Variants in YLPM1 observed in about 807,000 individuals in gnomAD.
YLPM1 encodes the protein YLP motif-containing protein 1.
YLPM1 carries 99 observed loss-of-function variants against 230.0 expected under a neutral mutation model. That is an observed-to-expected ratio of 0.43 (90% CI 0.37 to 0.51). The LOEUF (loss-of-function observed/expected upper bound fraction) is 0.51. Ranked by LOEUF, YLPM1 falls within the 20% of genes least tolerant of loss-of-function variation. The pLI is 0.00. For synonymous variants in YLPM1, 984 were observed against 942.5 expected (o/e 1.04, Z -0.81); for missense variants, 2,592 against 2,707.7 (o/e 0.96, Z 0.95).
intron 1 of YLPM1, among the ~76,000 whole-genome samples, chr14:74,777,363 C>T (rs1429928972): frequency 2.0e-5 from 3 of 149,308 alleles, no homozygotes; most frequent in East Asian, 4.1e-4. Flanking sequence ...GTCAGGAGTT[C>T]GAGACCAGCC....
At chr14:74,784,000 A>G (rs922127088) in intron 4 of YLPM1, among the ~76,000 whole-genome samples, 6 of 152,186 alleles carry the variant, frequency 3.9e-5, no homozygotes, top group African/African-American at 1.4e-4. Flanking sequence ...CAAAAGTACT[A>G]TTTAAGCTCT....
At chr14:74,808,105 C>T (rs1347066180) in intron 6 of YLPM1, among the ~76,000 whole-genome samples, 1 of 152,128 alleles carries the variant, frequency 6.6e-6, no homozygotes, top group Non-Finnish European at 1.5e-5. Flanking sequence ...AATTTTAAAA[C>T]GTTTTCATTA....
At chr14:74,786,046 C>G (rs961481470) in intron 4 of YLPM1, among the ~76,000 whole-genome samples, 2 of 151,918 alleles carry the variant, frequency 1.3e-5, no homozygotes, top group African/African-American at 4.8e-5. Context: ...AAGTGTTCAG[C>G]TTAGTGAATT....
intron 8 of YLPM1, 108 bp from the exon 9 acceptor site, chr14:74,810,117 G>C (rs1182820320): frequency 4.1e-6 from 6 of 1,473,832 alleles, no homozygotes; most frequent in East Asian, 2.3e-5. Context: ...AAGATTCTTA[G>C]TTGAATTTAT....
chr14:74,763,593 G>A lies in YLPM1; in HGVS notation c.104G>A (p.Gly35Glu), dbSNP rs2090871824. 1.9e-6 allele frequency: 3 copies of A among 1,589,240 alleles called. No homozygotes were observed. The highest frequency in any genetic ancestry group is 2.6e-6 in the Non-Finnish European group (3 of 1,166,704). ...CTTCCTGAGGCCTCGCCGGGGCCCGGGTACTCGAGCTCGACGACTCCCGCG... is the reference window on the plus strand; with the variant it reads ...CTTCCTGAGGCCTCGCCGGGGCCCGAGTACTCGAGCTCGACGACTCCCGCG... Reference protein sequence around the residue: ...VALPEASPGPGYSSSTTPAAP... With the variant: ...VALPEASPGPEYSSSTTPAAP... The change falls in exon 1 of 21, where the codon GGG (glycine) becomes GAG (glutamate). Residue 35 changes from glycine to glutamate, a missense_variant. This residue lies in a region of YLPM1 where 1,862 missense variants were observed against 1,819.8 expected (regional missense o/e 1.02). Coordinates refer to ENST00000325680, the MANE Select transcript of YLPM1 (RefSeq NM_019589.3).
chr14:74,820,939 G>A, intron 16 of YLPM1, 118 bp from the exon 17 acceptor site: 2 of 1,155,030 alleles, frequency 1.7e-6, no homozygotes, highest in Non-Finnish European at 2.3e-6. Context: ...TACTTGGTAT[G>A]TAACAGTGAG....
Position 74,809,575 on chromosome 14 carries a change from C to T in YLPM1, c.4717C>T (p.Arg1573Ter), listed in dbSNP as rs2091414353. ...ACAAACTTCAGCTGTAGAACAGGAACGATGGGATGAAGATTCTTTCTATGG... is the reference window on the plus strand; with the variant it reads ...ACAAACTTCAGCTGTAGAACAGGAATGATGGGATGAAGATTCTTTCTATGG... ...KPQTSAVEQE[R>*]WDEDSFYGLW... is the part of the protein sequence containing the mutation. Residue 1573 changes from arginine (R) to a stop codon, truncating the protein, a stop_gained, in exon 7 of 21, where the codon CGA (arginine) becomes TGA (stop). Coordinates refer to ENST00000325680, the MANE Select transcript of YLPM1 (RefSeq NM_019589.3). LOFTEE classifies it high-confidence loss of function. The T allele has an allele frequency of 6.2e-7, 1 of 1,611,196 alleles. No individual in the cohort carries two copies. The highest frequency in any genetic ancestry group is 8.5e-7 in the Non-Finnish European group (1 of 1,178,488).
intron 6 of YLPM1, among the ~76,000 whole-genome samples, chr14:74,806,718 A>G (rs1158059602): frequency 6.6e-6 from 1 of 151,972 alleles, no homozygotes; most frequent in East Asian, 1.9e-4. Context: ...ACTAGTGAAC[A>G]TGAATATTTT....
Position 74,809,506 on chromosome 14 carries a change from C to T in YLPM1, c.4648C>T (p.Pro1550Ser), listed in dbSNP as rs2091413316. The part of the protein sequence containing the change: ...TRPPVPIPPP[P>S]PPPPLPPPPP... The stretch of plus-strand genomic sequence containing the variant: ...GCCACCTGTCCCAATACCACCACCT[C>T]CACCTCCTCCACCTCTACCTCCTCC... Residue 1550 changes from proline (P) to serine (S), a missense_variant, in exon 7 of 21, where the codon CCA becomes TCA. By Grantham distance (74) the Pro-to-Ser change is moderately conservative. This residue lies in a region of YLPM1 where 403 missense variants were observed against 426.7 expected (regional missense o/e 0.94). Transcript: ENST00000325680. 6.3e-7 allele frequency: 1 copy of T among 1,582,984 alleles called. No individual in the cohort carries two copies. The highest frequency in any genetic ancestry group is 1.1e-5 in the South Asian group (1 of 87,344).
chr14:74,796,381 G>C (rs995509271), intron 4 of YLPM1, among the ~76,000 whole-genome samples: 87 of 152,036 alleles, frequency 5.7e-4, no homozygotes, highest in African/African-American at 2.0e-3. Context: ...TGCTTCCTTA[G>C]CTTGAGGTGC....
At chr14:74,804,106 G>A (rs1253640386) in intron 6 of YLPM1, among the ~76,000 whole-genome samples, 3 of 152,114 alleles carry the variant, frequency 2.0e-5, no homozygotes, top group Non-Finnish European at 4.4e-5. Context: ...GCGGTGAGCC[G>A]ACATCGCGCC....
At chr14:74,821,886 T>G (rs1018781361) in intron 17 of YLPM1, 1 of 152,240 alleles carries the variant, frequency 6.6e-6, no homozygotes, top group African/African-American at 2.4e-5. Context: ...CTCGGTTTAT[T>G]TAATACTTGA....
Position 74,798,068 on chromosome 14 carries a change from G to T in YLPM1, c.2771G>T (p.Trp924Leu), listed in dbSNP as rs1261943186. 6.2e-7 allele frequency: 1 copy of T among 1,613,924 alleles called. No homozygotes were observed. The highest frequency in any genetic ancestry group is 1.1e-5 in the South Asian group (1 of 91,078). The change falls in exon 5 of 21, where the codon TGG (tryptophan) becomes TTG (leucine). Residue 924 changes from tryptophan (W) to leucine (L), a missense_variant. Physicochemically the swap from Trp to Leu is moderately conservative, Grantham distance 61. Transcript: ENST00000325680. ...GAAGGGCCCGTAGAGCCCTCTAATT[G>T]GGACCAGAATGTTCAAAGTATGGAG... ...VSEGPVEPSN[W>L]DQNVQSMETQ... is the part of the protein sequence containing the mutation.
chr14:74,791,125 A>C (rs2091202484), intron 4 of YLPM1, among the ~76,000 whole-genome samples: 1 of 152,126 alleles, frequency 6.6e-6, no homozygotes, highest in African/African-American at 2.4e-5. Context: ...AAAATTAGCC[A>C]GGCATGGTGG....
chr14:74,824,479 A>G (rs2140141178), intron 18 of YLPM1, among the ~76,000 whole-genome samples, 172 bp downstream of exon 18: 1 of 152,274 alleles, frequency 6.6e-6, no homozygotes, highest in East Asian at 1.9e-4. Context: ...TAACAAAGTG[A>G]TAAGTATTTT....
At chr14:74,803,011 C>T (rs2091342719) in intron 6 of YLPM1, among the ~76,000 whole-genome samples, 1 of 151,884 alleles carries the variant, frequency 6.6e-6, no homozygotes, top group South Asian at 2.1e-4. Context: ...GTAATTCTAG[C>T]ACTTTGGGAG....
intron 19 of YLPM1, among the ~76,000 whole-genome samples, chr14:74,830,820 C>T (rs924083910): frequency 3.4e-4 from 51 of 152,182 alleles, no homozygotes; most frequent in African/African-American, 1.1e-3. Flanking sequence ...AGTGTGAACT[C>T]GCTCATTACC....
At chr14:74,817,149 T>C in intron 14 of YLPM1, 42 bp downstream of exon 14, 1 of 1,595,798 alleles carries the variant, frequency 6.3e-7, no homozygotes, top group Non-Finnish European at 8.5e-7. Flanking sequence ...TGTTGTCATG[T>C]AAATGTTATA....
chr14:74,823,367 A>C (rs1396151158), intron 17 of YLPM1, among the ~76,000 whole-genome samples: 1 of 152,114 alleles, frequency 6.6e-6, no homozygotes. Flanking sequence ...CTAATGGAAA[A>C]CAGTCTAAAT....
Sources: gnomAD v4.1 joint callset for allele counts (sites outside exome capture counted in the v4.1 genomes callset) on GRCh38, gnomAD v4.1.1 for gene constraint, gnomAD v4.1.1 regional missense constraint, MANE v1.5 for transcripts, NCBI Gene and HGNC (gene_info 2026-07-23, HGNC 2026-07-21) for gene names.